The following DCHS2 variants were observed in gnomAD, a reference collection of about 807,000 sequenced individuals.
The protein encoded by DCHS2 is protocadherin-23.
Under a neutral mutation model 182.4 loss-of-function variants are expected in DCHS2, and 142 were observed. That is an observed-to-expected ratio of 0.78 (90% CI 0.68 to 0.89). DCHS2 has a LOEUF of 0.89. DCHS2 is among the 40% of genes least tolerant of loss of function. DCHS2 has a pLI of 0.00. For missense variants in DCHS2, 4,319 were observed against 4,198.6 expected (o/e 1.03, Z -0.79); for synonymous variants, 1,740 against 1,663.3 (o/e 1.05, Z -1.12).
intron 10 of DCHS2, among the ~76,000 whole-genome samples, chr4:154,312,972 G>A (rs981013220): frequency 5.3e-5 from 8 of 152,138 alleles, no homozygotes; most frequent in African/African-American, 1.2e-4. Context: ...AGACTTAGGC[G>A]GTGCAGTTGT....
chr4:154,412,367 G>C (rs540566637), intron 1 of DCHS2, among the ~76,000 whole-genome samples: 15 of 152,218 alleles, frequency 9.9e-5, no homozygotes, highest in African/African-American at 3.6e-4. Context: ...CCTTCAGAGT[G>C]AGTAATCCTC....
chr4:154,427,172 T>C (rs1225263371), intron 1 of DCHS2, among the ~76,000 whole-genome samples: 1 of 152,266 alleles, frequency 6.6e-6, no homozygotes, highest in East Asian at 1.9e-4. Flanking sequence ...TAAAGAAAAA[T>C]AGCATGTTTC....
chr4:154,452,277 CATTT>C (rs1481547820), intron 1 of DCHS2, among the ~76,000 whole-genome samples: 4 of 152,146 alleles, frequency 2.6e-5, no homozygotes, highest in African/African-American at 4.8e-5. Flanking sequence ...AACAAATATT[CATTT>C]GTCAATCTAA....
At chr4:154,425,874 C>CA (rs1459504841) in intron 1 of DCHS2, among the ~76,000 whole-genome samples, 7 of 151,906 alleles carry the variant, frequency 4.6e-5, no homozygotes, top group Non-Finnish European at 7.4e-5. Context: ...TGGCCCTGGG[C>CA]AAAAAAATGA....
At chr4:154,324,472 G>A (rs1213472943) in intron 7 of DCHS2, among the ~76,000 whole-genome samples, 1 of 152,166 alleles carries the variant, frequency 6.6e-6, no homozygotes, top group African/African-American at 2.4e-5. Context: ...TTCTGGGTTT[G>A]TCATCACTTC....
At chr4:154,299,130 A>G (rs73857237) in intron 12 of DCHS2, among the ~76,000 whole-genome samples, 288 of 152,360 alleles carry the variant, frequency 1.9e-3, no homozygotes, top group African/African-American at 5.9e-3. Context: ...TAAGATATCA[A>G]TCAGAAATGA....
intron 4 of DCHS2, 147 bp downstream of exon 4, chr4:154,334,721 C>T: frequency 1.6e-6 from 1 of 638,088 alleles, no homozygotes; most frequent in Non-Finnish European, 2.7e-6. Flanking sequence ...GTTGGAAGAA[C>T]AAAGAGCAAG....
At chr4:154,431,143 A>G (rs148553966) in intron 1 of DCHS2, among the ~76,000 whole-genome samples, 1 of 152,272 alleles carries the variant, frequency 6.6e-6, no homozygotes, top group African/African-American at 2.4e-5. Context: ...GCATCTAAAG[A>G]TCAGTTTAGG....
At chr4:154,417,194 TGTGTGTGTGTGAGAGAGAGAGAGA>T (rs1255080725) in intron 1 of DCHS2, among the ~76,000 whole-genome samples, 19 of 91,608 alleles carry the variant, frequency 2.1e-4, no homozygotes, top group Non-Finnish European at 2.7e-4. Flanking sequence ...TGTGTGTGTG[TGTGTGTGTGTGAGAGAGAGAGAGA>T]GAGAGAGAGA....
chr4:154,327,490 A>C lies in DCHS2; in HGVS notation c.4018+603T>G, dbSNP rs753065643. On this transcript the variant is annotated intron_variant, in intron 7 of 19. Transcript: ENST00000357232. ...AGGGCAATGTTATCTCTTCTTTCCTATGTCCTATGTTTGTGTCAAACATGA... is the reference window on the plus strand; with the variant it reads ...AGGGCAATGTTATCTCTTCTTTCCTCTGTCCTATGTTTGTGTCAAACATGA... Among the ~76,000 whole-genome samples the C allele has an allele frequency of 2.6e-5, 4 of 152,140 alleles. No individual in the cohort carries two copies. In the South Asian group the frequency reaches 8.3e-4, roughly 32 times the overall value.
At chr4:154,242,492 T>G in intron 17 of DCHS2, 150 bp downstream of exon 17, 10 of 1,187,832 alleles carry the variant, frequency 8.4e-6, no homozygotes, top group Non-Finnish European at 8.9e-6. Flanking sequence ...ATCATCCATT[T>G]TTTTGTTCTG....
Position 154,366,349 on chromosome 4 carries a change from G to T in DCHS2, c.2337C>A (p.Ser779Arg). 6.2e-7 allele frequency: 1 copy of T among 1,613,834 alleles called. No homozygotes were observed. The highest frequency in any genetic ancestry group is 1.7e-5 in the Admixed American group (1 of 59,996). Residue 779 changes from serine to arginine, a missense_variant, in exon 3 of 20, where the codon AGC becomes AGA. Ser to Arg is a moderately radical substitution (Grantham distance 110). Transcript: ENST00000357232. ...TGCCTGGCTGGGTCTCATCACTGAT[G>T]CTCGTCACATAGGTTGATGGGTTAA... ...PVFNPSTYVT[S>R]ISDETQPGTE...
intron 10 of DCHS2, among the ~76,000 whole-genome samples, chr4:154,314,697 T>C (rs1034863235): frequency 2.0e-5 from 3 of 152,164 alleles, no homozygotes; most frequent in Admixed American, 6.5e-5. Context: ...CATAAAAATA[T>C]CTATTACAAT....
chr4:154,434,529 GC>G, intron 1 of DCHS2, among the ~76,000 whole-genome samples: 1 of 39,146 alleles, frequency 2.6e-5, no homozygotes, highest in South Asian at 6.8e-4. Flanking sequence ...TAGAATTATA[GC>G]TTATAGCTAT....
chr4:154,329,145 A>C (rs1007833838), intron 6 of DCHS2, among the ~76,000 whole-genome samples: 4 of 152,136 alleles, frequency 2.6e-5, no homozygotes, highest in Non-Finnish European at 5.9e-5. Context: ...TTGTTCCCCT[A>C]CCCTTAAGTA....
At chr4:154,274,502 AGAG>A (rs911008841) in intron 13 of DCHS2, among the ~76,000 whole-genome samples, 1 of 152,184 alleles carries the variant, frequency 6.6e-6, no homozygotes, top group African/African-American at 2.4e-5. Context: ...CCATGACAGC[AGAG>A]GAGATTTTCT....
At chr4:154,278,726 G>A (rs1285137732) in intron 13 of DCHS2, among the ~76,000 whole-genome samples, 2 of 152,046 alleles carry the variant, frequency 1.3e-5, no homozygotes, top group Non-Finnish European at 2.9e-5. Context: ...GGAGTAGGAT[G>A]ATGTACTCAA....
At chr4:154,480,198 G>A (rs1171489988) in intron 1 of DCHS2, among the ~76,000 whole-genome samples, 1 of 152,104 alleles carries the variant, frequency 6.6e-6, no homozygotes, top group Non-Finnish European at 1.5e-5. Flanking sequence ...ACAACATGAG[G>A]AGTTTCTAAC....
intron 3 of DCHS2, among the ~76,000 whole-genome samples, chr4:154,353,328 T>A (rs994081739): frequency 6.6e-6 from 1 of 151,176 alleles, no homozygotes; most frequent in African/African-American, 2.4e-5. Flanking sequence ...AGGAAATATG[T>A]CAACATGAGT....
Sources: allele counts gnomAD v4.1 joint callset (sites outside exome capture counted in the v4.1 genomes callset), GRCh38; gene constraint gnomAD v4.1.1; transcripts MANE v1.5; gene names NCBI Gene and HGNC (gene_info 2026-07-23, HGNC 2026-07-21).